Variants in GAD1 observed in about 807,000 individuals in gnomAD.
GAD1 encodes the protein 67 kDa glutamic acid decarboxylase.
A neutral mutation model predicts 75.2 loss-of-function variants in GAD1; 35 were observed. That is an observed-to-expected ratio of 0.47 (90% CI 0.36 to 0.62). The LOEUF is 0.62. Among genes scored for constraint, GAD1 ranks in the 20% least tolerant of loss-of-function variants. The pLI, the probability that GAD1 is intolerant of heterozygous loss-of-function variation, is 0.00. For missense variants in GAD1, 490 were observed against 758.5 expected, an observed-to-expected ratio of 0.65 and a Z score of 4.16; for synonymous variants, 257 against 271.9, an observed-to-expected ratio of 0.95 and a Z score of 0.54.
chr2:170,836,111 CT>C (rs767548786), intron 5 of GAD1, among the ~76,000 whole-genome samples: 126 of 141,100 alleles, frequency 8.9e-4, no homozygotes, highest in South Asian at 1.1e-3. Context: ...GGTTGTTTTT[CT>C]TTTTTTTTTT....
chr2:170,857,733 A>G (rs1702881430), intron 15 of GAD1, among the ~76,000 whole-genome samples: 2 of 152,264 alleles, frequency 1.3e-5, no homozygotes, highest in South Asian at 4.1e-4. Context: ...TAAGGAAGAG[A>G]GCAAGATAAA....
chr2:170,845,514 A>G lies in GAD1; in HGVS notation c.760A>G (p.Ile254Val). 1 of 1,613,564 alleles carries G rather than the reference A, an allele frequency of 6.2e-7. No individual in the cohort carries two copies. The highest frequency in any genetic ancestry group is 8.5e-7 in the Non-Finnish European group (1 of 1,179,984). The change falls in exon 8 of 17, where the codon ATA becomes GTA. Residue 254 changes from isoleucine to valine, a missense_variant. Transcript: ENST00000358196. ...TGTCCGCTTGCTGACAGGGGGCGCC[A>G]TATCCAACATGTACAGCATCATGGC... is the stretch of plus-strand genomic sequence containing the variant. The part of the protein sequence containing the change: ...GDGIFSPGGA[I>V]SNMYSIMAAR...
intron 14 of GAD1, among the ~76,000 whole-genome samples, chr2:170,854,251 T>C (rs1185384538): frequency 2.6e-5 from 4 of 152,214 alleles, no homozygotes; most frequent in Non-Finnish European, 4.4e-5. Flanking sequence ...AGTCTTCTTA[T>C]AACGTTCTCT....
chr2:170,829,813 A>C, intron 4 of GAD1, 180 bp downstream of exon 4: 1 of 665,504 alleles, frequency 1.5e-6, no homozygotes, highest in South Asian at 1.9e-5. Context: ...CCTGCTGGCC[A>C]GGTCTCCATC....
rs542543653 is a variant in GAD1 at position 170,859,398 on chromosome 2, G to A, written c.1612-311G>A. ...AGTCTGTGTGCCAGGCAGTATCCTG[G>A]GCTCTGGGTTATACAAAACCCTGAA... On this transcript the variant is annotated intron_variant, in intron 16 of 16. Coordinates refer to ENST00000358196, the MANE Select transcript of GAD1 (RefSeq NM_000817.3). Among the ~76,000 whole-genome samples the A allele has an allele frequency of 1.9e-4, 29 of 152,200 alleles. 1 individual carries two copies. The highest frequency in any genetic ancestry group is 6.8e-3 in the Middle Eastern group (2 of 294).
chr2:170,824,787 G>A (rs1398796315), intron 3 of GAD1, among the ~76,000 whole-genome samples: 3 of 152,170 alleles, frequency 2.0e-5, no homozygotes, highest in Non-Finnish European at 4.4e-5. Context: ...AGGCATGGTG[G>A]CATGACCTAA....
At position 170,844,159 on chromosome 2, in the gene GAD1, T is replaced by A. The variant is rs773521431; in HGVS notation, c.751+2T>A. The A allele has an allele frequency of 6.8e-7, 1 of 1,463,818 alleles. No individual in the cohort carries two copies. The highest frequency in any genetic ancestry group is 1.1e-5 in the South Asian group (1 of 88,098). The allele number at this position is 1,463,818 out of a possible 1,614,324, so 90.7% of individuals were successfully genotyped here. A position where few individuals can be genotyped will look rare whatever the true frequency, so the allele number is the denominator to read the frequency against. ...ATGGTGATGGGATATTTTCTCCTGG[T>A]AGGTTTCTCTTCTCTTCCTCTTCTC... On this transcript the variant is annotated splice_donor_variant, in intron 7 of 16. Coordinates refer to ENST00000358196, the MANE Select transcript of GAD1 (RefSeq NM_000817.3). LOFTEE classifies it high-confidence loss of function.
At chr2:170,825,558 G>A (rs1310981192) in intron 3 of GAD1, among the ~76,000 whole-genome samples, 1 of 152,216 alleles carries the variant, frequency 6.6e-6, no homozygotes, top group Non-Finnish European at 1.5e-5. Context: ...GGCAACAACT[G>A]GCTGGAGCCA....
At chr2:170,840,702 T>A (rs1702497219) in intron 6 of GAD1, among the ~76,000 whole-genome samples, 1 of 135,192 alleles carries the variant, frequency 7.4e-6, no homozygotes, top group Non-Finnish European at 1.6e-5. Context: ...AGAGACATAC[T>A]CCTCTTTGAT....
intron 3 of GAD1, among the ~76,000 whole-genome samples, chr2:170,828,171 G>GCTGTCCTCA (rs1559271733): frequency 2.8e-4 from 12 of 42,968 alleles, no homozygotes; most frequent in Admixed American, 7.8e-4. Context: ...TGCTGTCCTC[G>GCTGTCCTCA]CCCTCCTCTC....
Position 170,847,739 on chromosome 2 carries a change from A to G in GAD1, c.1066A>G (p.Ile356Val). The change falls in exon 11 of 17, where the codon ATA becomes GTA. Residue 356 changes from isoleucine to valine, a missense_variant. Transcript: ENST00000358196. ...GTTVYGAFDP[I>V]QEIADICEKY... ...GACTGTTTATGGAGCTTTTGATCCGATACAAGAGATTGCAGATATATGTGA... is the reference window on the plus strand; with the variant it reads ...GACTGTTTATGGAGCTTTTGATCCGGTACAAGAGATTGCAGATATATGTGA... 1.2e-6 allele frequency: 2 copies of G among 1,614,200 alleles called. No homozygotes were observed. Among genetic ancestry groups the G allele is most frequent in the Non-Finnish European group, 1.7e-6 (2 of 1,180,006 alleles).
Position 170,845,790 on chromosome 2 carries a change from G to T in GAD1, c.947+5G>T, listed in dbSNP as rs541810963. 11 of 1,613,458 alleles carry T rather than the reference G, an allele frequency of 6.8e-6. No homozygotes were observed. The East Asian group carries it at 2.5e-4, about 36-fold the overall frequency. ...TTTGATAAAGTGCAATGAAAGGTAG[G>T]CAGGGGAGGGTGAATATTAGGTTCT... On this transcript the variant is annotated splice_donor_5th_base_variant and intron_variant, in intron 9 of 16. Transcript: ENST00000358196.
chr2:170,822,077 C>G lies in GAD1; in HGVS notation c.83-10C>G. On this transcript the variant is annotated splice_polypyrimidine_tract_variant and intron_variant, in intron 2 of 16. Transcript: ENST00000358196. ...CCTAACCGAACCTCTCTCCCTCTCT[C>G]TCGTCCTAGCGTACGATACCTGGTG... 1 of 1,605,174 alleles carries G rather than the reference C, an allele frequency of 6.2e-7. No individual in the cohort carries two copies. The highest frequency in any genetic ancestry group is 8.5e-7 in the Non-Finnish European group (1 of 1,176,138).
intron 11 of GAD1, 24 bp downstream of exon 11, chr2:170,847,816 A>G (rs1356502637): frequency 6.6e-7 from 1 of 1,512,498 alleles, no homozygotes; most frequent in East Asian, 2.3e-5. Context: ...AACTCAGGCC[A>G]GTCCATGTGG....
intron 7 of GAD1, among the ~76,000 whole-genome samples, chr2:170,844,633 C>T (rs1233478643): frequency 6.6e-6 from 1 of 152,122 alleles, no homozygotes; most frequent in Non-Finnish European, 1.5e-5. Flanking sequence ...ATTCTGTCAA[C>T]AGCAGTTTGA....
intron 10 of GAD1, among the ~76,000 whole-genome samples, chr2:170,846,874 G>A (rs1024036418): frequency 6.6e-6 from 1 of 152,102 alleles, no homozygotes; most frequent in Admixed American, 6.6e-5. Context: ...CAGGTGTGGT[G>A]GTGCACGCCT....
upstream of GAD1, among the ~76,000 whole-genome samples, chr2:170,814,331 CAG>C (rs1287823638): frequency 6.6e-6 from 1 of 152,142 alleles, no homozygotes; most frequent in Non-Finnish European, 1.5e-5. Flanking sequence ...GCAAACGAAA[CAG>C]AGGCATGGGG....
chr2:170,829,693 G>T (rs1049140425), intron 4 of GAD1, 60 bp downstream of exon 4: 6 of 1,555,174 alleles, frequency 3.9e-6, no homozygotes, highest in South Asian at 1.1e-5. Context: ...TGAGTTTCTT[G>T]ACTTTTTCCT....
At chr2:170,849,450 T>C (rs990047405) in intron 12 of GAD1, 100 bp downstream of exon 12, 1 of 1,138,428 alleles carries the variant, frequency 8.8e-7, no homozygotes, top group Non-Finnish European at 1.3e-6. Context: ...CCCAGCATCA[T>C]ATTTCGGTCT....
Sources: allele counts gnomAD v4.1 joint callset (sites outside exome capture counted in the v4.1 genomes callset), GRCh38; gene constraint gnomAD v4.1.1; transcripts MANE v1.5; gene names NCBI Gene and HGNC (gene_info 2026-07-23, HGNC 2026-07-21).